DPP10: variants seen among roughly 807,000 people sequenced by gnomAD.
DPP10 encodes the protein dipeptidyl peptidase like 10.
DPP10 carries 33 observed loss-of-function variants against 120.9 expected under a neutral mutation model. That is an observed-to-expected ratio of 0.27 (90% CI 0.21 to 0.37). The LOEUF (loss-of-function observed/expected upper bound fraction) is 0.37, where lower values mean the gene tolerates loss of function less well. Ranked by LOEUF, DPP10 falls within the 10% of genes least tolerant of loss-of-function variation. The pLI is 1.00. For synonymous variants in DPP10, 337 were observed against 326.1 expected (o/e 1.03, Z -0.36); for missense variants, 816 against 942.8 (o/e 0.87, Z 1.76).
At chr2:114,651,647 A>T (rs1696591591) in intron 1 of DPP10, among the ~76,000 whole-genome samples, 1 of 150,748 alleles carries the variant, frequency 6.6e-6, no homozygotes, top group African/African-American at 2.4e-5. Flanking sequence ...GTTAATTAAG[A>T]TTTTTTTTTT....
At chr2:115,682,606 A>G (rs1216870127) in intron 5 of DPP10, among the ~76,000 whole-genome samples, 1 of 151,854 alleles carries the variant, frequency 6.6e-6, no homozygotes, top group Non-Finnish European at 1.5e-5. Flanking sequence ...TTGGGGTAAT[A>G]AAGTATAATC....
At chr2:115,308,781 G>A (rs1176606222) in intron 1 of DPP10, among the ~76,000 whole-genome samples, 2 of 151,084 alleles carry the variant, frequency 1.3e-5, no homozygotes, top group East Asian at 2.0e-4. Flanking sequence ...GCTCTGCAGT[G>A]AGGGACATTT....
intron 1 of DPP10, among the ~76,000 whole-genome samples, chr2:114,685,928 G>A (rs1340835432): frequency 6.6e-6 from 1 of 151,846 alleles, no homozygotes; most frequent in Non-Finnish European, 1.5e-5. Flanking sequence ...CATAAATATA[G>A]CCTATTTATC....
chr2:115,744,847 T>C (rs1388253330), intron 9 of DPP10, among the ~76,000 whole-genome samples: 1 of 150,576 alleles, frequency 6.6e-6, no homozygotes, highest in Non-Finnish European at 1.5e-5. Flanking sequence ...TTATTGGATT[T>C]TTTAATTCAA....
chr2:114,505,447 A>T (rs1289052362), intron 1 of DPP10, among the ~76,000 whole-genome samples: 1 of 151,954 alleles, frequency 6.6e-6, no homozygotes, highest in Non-Finnish European at 1.5e-5. Context: ...ACCTTTCTCA[A>T]ATGAAATTTA....
chr2:115,389,467 A>C (rs979142788), intron 3 of DPP10, among the ~76,000 whole-genome samples: 1 of 152,156 alleles, frequency 6.6e-6, no homozygotes, highest in Non-Finnish European at 1.5e-5. Flanking sequence ...AATCATTGCT[A>C]TTTTGTTAGA....
Position 114,621,283 on chromosome 2 carries a change from T to C in DPP10, c.60+178445T>C, listed in dbSNP as rs766695591. Among the ~76,000 whole-genome samples the C allele has an allele frequency of 9.9e-5, 15 of 152,246 alleles. 1 individual carries two copies. Among genetic ancestry groups the C allele is most frequent in the South Asian group, 4.1e-4 (2 of 4,828 alleles). On this transcript the variant is annotated intron_variant, in intron 1 of 25. Transcript: ENST00000410059. ...CTTCTAGAAATCAAACATAATTCTA[T>C]TTATGCTTCTCCATCCCCCAAACAG...
At chr2:114,736,543 AAGAC>A (rs573492406) in intron 1 of DPP10, among the ~76,000 whole-genome samples, 392 of 152,348 alleles carry the variant, frequency 2.6e-3, no homozygotes, top group African/African-American at 9.0e-3. Flanking sequence ...AATTTCATAA[AAGAC>A]AGAATCTATA....
intron 1 of DPP10, among the ~76,000 whole-genome samples, chr2:114,564,990 T>A (rs1463832345): frequency 3.3e-5 from 5 of 152,222 alleles, no homozygotes; most frequent in Non-Finnish European, 5.9e-5. Context: ...CTAAGGATGC[T>A]CTTATTGCCT....
chr2:115,134,053 G>C (rs1167905825), intron 1 of DPP10, among the ~76,000 whole-genome samples: 1 of 152,140 alleles, frequency 6.6e-6, no homozygotes, highest in Non-Finnish European at 1.5e-5. Context: ...AAATGAGGAT[G>C]TTATTATCAT....
intron 1 of DPP10, among the ~76,000 whole-genome samples, chr2:115,142,794 T>C (rs1446941651): frequency 6.6e-6 from 1 of 152,190 alleles, no homozygotes; most frequent in Non-Finnish European, 1.5e-5. Context: ...CCAGCTCCAG[T>C]AGCCCTTAAG....
At chr2:114,849,751 A>C (rs905198611) in intron 1 of DPP10, among the ~76,000 whole-genome samples, 3 of 152,118 alleles carry the variant, frequency 2.0e-5, no homozygotes, top group Non-Finnish European at 4.4e-5. Context: ...GGTAAATACT[A>C]TTTCCTAATA....
intron 1 of DPP10, among the ~76,000 whole-genome samples, chr2:115,200,341 G>C (rs2055608340): frequency 6.6e-6 from 1 of 152,278 alleles, no homozygotes; most frequent in South Asian, 2.1e-4. Flanking sequence ...CCTGGATTTT[G>C]AGATAGGTGT....
At chr2:114,886,548 G>C (rs1214639387) in intron 1 of DPP10, among the ~76,000 whole-genome samples, 1 of 152,136 alleles carries the variant, frequency 6.6e-6, no homozygotes, top group Non-Finnish European at 1.5e-5. Flanking sequence ...ATGGTATTTG[G>C]GGGTGGAAAG....
chr2:115,226,956 G>C (rs2057464506), intron 1 of DPP10, among the ~76,000 whole-genome samples: 1 of 152,092 alleles, frequency 6.6e-6, no homozygotes, highest in Admixed American at 6.6e-5. Context: ...ACAAAACACA[G>C]AAATCACTGA....
At chr2:115,373,487 G>A (rs571906628) in intron 3 of DPP10, among the ~76,000 whole-genome samples, 140 of 115,080 alleles carry the variant, frequency 1.2e-3, no homozygotes, top group African/African-American at 4.0e-3. Context: ...TTGATCATAG[G>A]ATGAAGGGGA....
chr2:115,560,169 G>C (rs1205142303), intron 5 of DPP10, among the ~76,000 whole-genome samples: 1 of 150,368 alleles, frequency 6.7e-6, no homozygotes, highest in East Asian at 2.0e-4. Context: ...AAAAGATCGA[G>C]ACCATCCTGG....
intron 1 of DPP10, among the ~76,000 whole-genome samples, chr2:114,504,822 G>A (rs1262054582): frequency 1.3e-5 from 2 of 152,040 alleles, no homozygotes; most frequent in Admixed American, 6.5e-5. Flanking sequence ...GGGAGGCTGA[G>A]GCAGGCAGAT....
At chr2:115,565,769 G>GTTTTTTTTTTTTTTTTTTTTGT in intron 5 of DPP10, among the ~76,000 whole-genome samples, 1 of 136,222 alleles carries the variant, frequency 7.3e-6, no homozygotes, top group South Asian at 2.2e-4. Context: ...TGTTTGTTTT[G>GTTTTTTTTTTTTTTTTTTTTGT]TTTTTTTTTG....
Sources: gnomAD v4.1 joint callset for allele counts (sites outside exome capture counted in the v4.1 genomes callset) on GRCh38, gnomAD v4.1.1 for gene constraint, MANE v1.5 for transcripts, NCBI Gene and HGNC (gene_info 2026-07-23, HGNC 2026-07-21) for gene names.